SPPL3: variants seen among roughly 807,000 people sequenced by gnomAD.
SPPL3 encodes the protein signal peptide peptidase like 3.
A neutral mutation model predicts 42.4 loss-of-function variants in SPPL3; 5 were observed. The ratio of observed to expected loss-of-function variants is 0.12; its 90% CI spans 0.06 to 0.25. The LOEUF is 0.25. Ranked by LOEUF, SPPL3 falls within the 10% of genes least tolerant of loss-of-function variation. The probability of loss-of-function intolerance (pLI) is 1.00; values close to 1 mark genes in which losing one functional copy is unlikely to be tolerated. For missense variants in SPPL3, 235 were observed against 489.0 expected (o/e 0.48, Z 4.90); for synonymous variants, 195 against 181.8 (o/e 1.07, Z -0.58).
chr12:120,852,805 T>C (rs1289693661), intron 1 of SPPL3, among the ~76,000 whole-genome samples: 2 of 139,880 alleles, frequency 1.4e-5, no homozygotes, highest in Admixed American at 7.2e-5. Flanking sequence ...CATATATACA[T>C]ATATGAAATA....
chr12:120,883,864 G>A (rs1473231097), intron 1 of SPPL3, among the ~76,000 whole-genome samples: 1 of 152,200 alleles, frequency 6.6e-6, no homozygotes, highest in Non-Finnish European at 1.5e-5. Context: ...CACTTTGGGA[G>A]GCCAAGGTGG....
rs151105378 is a variant in SPPL3, at chr12:120,895,720, A to C, written c.23+8125T>G. Among the ~76,000 whole-genome samples the C allele has an allele frequency of 5.4e-5, 8 of 148,572 alleles. No homozygotes were observed. In the South Asian group the frequency reaches 8.7e-4, roughly 16 times the overall value. ...TCACGGAGCACTTTGCAATGCATGAAGCATTTTTATGTGCATTATCTCACT... is the reference window on the plus strand; with the variant it reads ...TCACGGAGCACTTTGCAATGCATGACGCATTTTTATGTGCATTATCTCACT... On this transcript the variant is annotated intron_variant, in intron 1 of 10. Transcript: ENST00000353487.
intron 9 of SPPL3, among the ~76,000 whole-genome samples, 197 bp downstream of exon 9, chr12:120,767,197 G>C (rs1566036063): frequency 1.3e-5 from 2 of 152,206 alleles, no homozygotes; most frequent in Non-Finnish European, 2.9e-5. Flanking sequence ...ACGTTCTTCA[G>C]ATACACAGCT....
intron 1 of SPPL3, among the ~76,000 whole-genome samples, chr12:120,838,015 T>G (rs1187810126): frequency 6.6e-6 from 1 of 152,092 alleles, no homozygotes; most frequent in Non-Finnish European, 1.5e-5. Flanking sequence ...CCTAGGCGAC[T>G]GAGCAAGACT....
intron 4 of SPPL3, 36 bp downstream of exon 4, chr12:120,784,438 A>C (rs780220212): frequency 6.6e-7 from 1 of 1,523,540 alleles, no homozygotes; most frequent in South Asian, 1.3e-5. Context: ...TTTTCCTTTT[A>C]GTATGTTAAG....
intron 2 of SPPL3, among the ~76,000 whole-genome samples, chr12:120,806,717 C>T (rs999446558): frequency 1.3e-5 from 2 of 151,876 alleles, no homozygotes; most frequent in South Asian, 2.1e-4. Flanking sequence ...GGCATGGTGA[C>T]GGGTGCCTAG....
At chr12:120,869,668 C>T (rs1726691674) in intron 1 of SPPL3, among the ~76,000 whole-genome samples, 1 of 152,186 alleles carries the variant, frequency 6.6e-6, no homozygotes, top group African/African-American at 2.4e-5. Flanking sequence ...TTGCTTGCTA[C>T]TATTTACTTC....
chr12:120,768,296 T>C (rs761288824), intron 8 of SPPL3, 29 bp downstream of exon 8: 2 of 1,596,402 alleles, frequency 1.3e-6, no homozygotes, highest in Admixed American at 1.7e-5. Context: ...AGGAAGACAG[T>C]GTGGTCCTGT....
chr12:120,796,863 T>G (rs1272238429), intron 2 of SPPL3, among the ~76,000 whole-genome samples: 3 of 152,200 alleles, frequency 2.0e-5, no homozygotes, highest in African/African-American at 7.2e-5. Context: ...TTTCCACATA[T>G]GCATACACTA....
intron 6 of SPPL3, among the ~76,000 whole-genome samples, chr12:120,771,339 G>A (rs1869114331): frequency 6.6e-6 from 1 of 152,070 alleles, no homozygotes. Context: ...CCGCCGCTTC[G>A]GCCACGCCGC....
chr12:120,886,791 G>A (rs1377817367), intron 1 of SPPL3, among the ~76,000 whole-genome samples: 2 of 152,022 alleles, frequency 1.3e-5, no homozygotes, highest in African/African-American at 4.8e-5. Context: ...TCATACATGT[G>A]AGCAAAAATC....
intron 6 of SPPL3, among the ~76,000 whole-genome samples, chr12:120,780,162 C>G (rs1175831444): frequency 6.6e-6 from 1 of 151,072 alleles, no homozygotes; most frequent in Non-Finnish European, 1.5e-5. Flanking sequence ...CTCCTCGCCT[C>G]AAGCAATCCT....
chr12:120,874,452 C>CAAAAAAA (rs71076673), intron 1 of SPPL3, among the ~76,000 whole-genome samples: 7 of 97,416 alleles, frequency 7.2e-5, no homozygotes, highest in Non-Finnish European at 1.4e-4. Flanking sequence ...GACCCTGTCG[C>CAAAAAAA]AAAAAAAAAA....
At chr12:120,784,701 A>C in intron 3 of SPPL3, 108 bp from the exon 4 acceptor site, 9 of 783,058 alleles carry the variant, frequency 1.1e-5, no homozygotes, top group Non-Finnish European at 1.8e-5. Context: ...TACGGATTAT[A>C]CGTAGGACAT....
chr12:120,897,758 G>C (rs1449845885), intron 1 of SPPL3, among the ~76,000 whole-genome samples: 1 of 152,108 alleles, frequency 6.6e-6, no homozygotes, highest in East Asian at 1.9e-4. Flanking sequence ...ATCTTCTAAA[G>C]TCTATAATGC....
intron 1 of SPPL3, among the ~76,000 whole-genome samples, chr12:120,877,078 C>T (rs1873126379): frequency 6.6e-6 from 1 of 151,962 alleles, no homozygotes; most frequent in African/African-American, 2.4e-5. Flanking sequence ...AACCTATAAA[C>T]TTATACAAAC....
rs1427874037 is a variant in SPPL3, at chr12:120,884,023, C to G, written c.23+19822G>C. Among the ~76,000 whole-genome samples, 5 of 151,006 alleles carry G rather than the reference C, an allele frequency of 3.3e-5. No homozygotes were observed. In the South Asian group the frequency reaches 8.3e-4, roughly 25 times the overall value. On this transcript the variant is annotated intron_variant, in intron 1 of 10. Coordinates refer to ENST00000353487, the MANE Select transcript of SPPL3 (RefSeq NM_139015.5). ...GGCTGAGGCAGGCGAATCGCTTGAA[C>G]CCAGGAGGCGGAGGTTGTGGTGAGC... is the stretch of plus-strand genomic sequence containing the variant.
chr12:120,897,777 A>G (rs953566339), intron 1 of SPPL3, among the ~76,000 whole-genome samples: 1 of 152,178 alleles, frequency 6.6e-6, no homozygotes, highest in African/African-American at 2.4e-5. Flanking sequence ...GCTAGACACA[A>G]ATTTTCAACT....
intron 1 of SPPL3, chr12:120,811,126 T>A (rs1180437388): frequency 2.9e-6 from 1 of 350,570 alleles, no homozygotes; most frequent in African/African-American, 2.1e-5. Flanking sequence ...TAAAATGACA[T>A]CAATGTAAAA....
Sources: allele counts gnomAD v4.1 joint callset (sites outside exome capture counted in the v4.1 genomes callset), GRCh38; gene constraint gnomAD v4.1.1; transcripts MANE v1.5; gene names NCBI Gene and HGNC (gene_info 2026-07-23, HGNC 2026-07-21).